Variants in CHD9 observed in about 807,000 individuals in gnomAD.
The protein encoded by CHD9 is ATP-dependent chromatin remodeler CHD9.
A neutral mutation model predicts 316.1 loss-of-function variants in CHD9; 77 were observed. That is an observed-to-expected ratio of 0.24 (90% CI 0.20 to 0.29). CHD9 has a LOEUF of 0.29. Among genes scored for constraint, CHD9 ranks in the 10% least tolerant of loss-of-function variants. The pLI is 1.00. For synonymous variants in CHD9, 1,129 were observed against 1,158.3 expected, an observed-to-expected ratio of 0.97 and a Z score of 0.51; for missense variants, 2,763 against 3,438.1, an observed-to-expected ratio of 0.80 and a Z score of 4.91.
chr16:53,133,813 C>G (rs1302802532), intron 1 of CHD9, among the ~76,000 whole-genome samples: 1 of 152,100 alleles, frequency 6.6e-6, no homozygotes, highest in African/African-American at 2.4e-5. Context: ...CTAATGCAAC[C>G]GAATGCTTTC....
chr16:53,283,683 G>A (rs938194243), intron 24 of CHD9, among the ~76,000 whole-genome samples: 2 of 152,068 alleles, frequency 1.3e-5, no homozygotes, highest in Middle Eastern at 3.4e-3. Flanking sequence ...TCTTTTTACT[G>A]TATTTCTCAT....
chr16:53,321,627 A>G lies in CHD9; in HGVS notation c.7815A>G (p.Gln2605=). Residue 2605 remains glutamine, a synonymous_variant, in exon 38 of 39, where the codon CAA becomes CAG. Transcript: ENST00000447540. ...CTGAATGGGGAGATGTTGTTAAGCA[A>G]TCTGTGAGTATTTTACGAATACTAA... ...VAPEWGDVVK[Q]SGFLPESMYE... 8 of 1,493,898 alleles carry G rather than the reference A, an allele frequency of 5.4e-6. No homozygotes were observed. The highest frequency in any genetic ancestry group is 7.2e-6 in the Non-Finnish European group (8 of 1,103,946). The allele number at this position is 1,493,898 out of a possible 1,614,324, so 92.5% of individuals were successfully genotyped here.
intron 1 of CHD9, among the ~76,000 whole-genome samples, chr16:53,061,648 C>T (rs2032919336): frequency 6.6e-6 from 1 of 152,160 alleles, no homozygotes; most frequent in South Asian, 2.1e-4. Context: ...TCAGAAGTGT[C>T]CCACGAAAAG....
intron 7 of CHD9, 165 bp downstream of exon 7, chr16:53,227,768 C>T (rs2047776579): frequency 5.0e-6 from 1 of 201,862 alleles, no homozygotes; most frequent in African/African-American, 2.3e-5. Context: ...GAAAAGGGCC[C>T]ATTTGAAAAC....
intron 8 of CHD9, among the ~76,000 whole-genome samples, chr16:53,229,462 T>C (rs577781964): frequency 1.3e-5 from 2 of 152,320 alleles, no homozygotes; most frequent in South Asian, 4.2e-4. Flanking sequence ...ACATGAAATA[T>C]ATTGCATATT....
At chr16:53,212,341 G>T (rs2046397769) in intron 3 of CHD9, among the ~76,000 whole-genome samples, 4 of 151,614 alleles carry the variant, frequency 2.6e-5, no homozygotes, top group Admixed American at 1.3e-4. Context: ...GGAGGCAGAG[G>T]TTGCAGTGAG....
At position 53,304,333 on chromosome 16, in the gene CHD9, A is replaced by G. The variant is rs2153081297; in HGVS notation, c.6327A>G (p.Thr2109=). The change falls in exon 31 of 39, where the codon ACA becomes ACG. Residue 2109 remains threonine (T), a synonymous_variant. Coordinates refer to ENST00000447540, the MANE Select transcript of CHD9 (RefSeq NM_001308319.2). ...ACAGACGCATGGTTGCAGCCAGAAC[A>G]GAACCCCTAACTCCAAACCCAGCTT... ...ETDRRMVAAR[T]EPLTPNPASK... is the part of the protein sequence containing the mutation. 1 of 1,612,934 alleles carries G rather than the reference A, an allele frequency of 6.2e-7. No homozygotes were observed. The highest frequency in any genetic ancestry group is 8.5e-7 in the Non-Finnish European group (1 of 1,179,850).
chr16:53,099,927 G>C (rs1409365541), intron 1 of CHD9, among the ~76,000 whole-genome samples: 2 of 152,242 alleles, frequency 1.3e-5, no homozygotes, highest in Non-Finnish European at 2.9e-5. Flanking sequence ...GCTGGTGGCT[G>C]TGTGCAGGGC....
In CHD9 at chr16:53,222,530, T is replaced by C. The variant is rs1454395012; in HGVS notation, c.1785-114T>C. 3 of 605,258 alleles carry C rather than the reference T, an allele frequency of 5.0e-6. No homozygotes were observed. The African/African-American group carries it at 5.6e-5, about 11-fold the overall frequency. The allele number at this position is 605,258 out of a possible 1,614,324, so 37.5% of individuals were successfully genotyped here. A position where few individuals can be genotyped will look rare whatever the true frequency, so the allele number is the denominator to read the frequency against. Reference sequence around the variant, plus strand: ...ATTTCAGGATGATTATCATCCTTGGTTGGACATGCAAGTGATATAAAGTGG... The same window carrying C: ...ATTTCAGGATGATTATCATCCTTGGCTGGACATGCAAGTGATATAAAGTGG... On this transcript the variant is annotated intron_variant, in intron 3 of 38. Coordinates refer to ENST00000447540, the MANE Select transcript of CHD9 (RefSeq NM_001308319.2).
chr16:53,296,923 T>C lies in CHD9; in HGVS notation c.5511-33T>C, dbSNP rs1401295191. 3 of 1,393,402 alleles carry C rather than the reference T, an allele frequency of 2.2e-6. No individual in the cohort carries two copies. In the South Asian group the frequency reaches 3.6e-5, roughly 17 times the overall value. The allele number at this position is 1,393,402 out of a possible 1,614,324, so 86.3% of individuals were successfully genotyped here. ...TATTAATATTAATTTTAGTGACTAG[T>C]GTGGTTTTTTTCTTTAATCTGACTC... On this transcript the variant is annotated intron_variant, in intron 29 of 38. Coordinates refer to ENST00000447540, the MANE Select transcript of CHD9 (RefSeq NM_001308319.2).
rs913743499 is a variant in CHD9 at position 53,279,853 on chromosome 16, G to A, written c.4967+5551G>A. 6.6e-5 allele frequency among the ~76,000 whole-genome samples: 10 copies of A among 152,024 alleles called. 1 individual carries two copies. Among genetic ancestry groups the A allele is most frequent in the Admixed American group, 6.6e-4 (10 of 15,262 alleles). On this transcript the variant is annotated intron_variant, in intron 24 of 38. Transcript: ENST00000447540. ...AAAAAAAGAAAAGTTCCATCAAAAA[G>A]TGGGCTAAGGACACAAATAGACAAT...
intron 2 of CHD9, chr16:53,169,596 C>A (rs1379928774): frequency 6.6e-6 from 1 of 152,092 alleles, no homozygotes; most frequent in Non-Finnish European, 1.5e-5. Context: ...TATTTTGCCA[C>A]ATTTGCTTTC....
In CHD9 at chr16:53,286,335, T is replaced by C; in HGVS notation, c.5181T>C (p.Tyr1727=). The change falls in exon 26 of 39, where the codon TAT becomes TAC. Residue 1727 remains tyrosine (Y), a synonymous_variant. Transcript: ENST00000447540. ...AVAAEQRAND[Y]MDGDVEDPEY... The stretch of plus-strand genomic sequence containing the variant: ...CTGCTGAACAGAGAGCGAATGATTA[T>C]ATGGATGGGTATGTGTGTTTCAGAG... The C allele has an allele frequency of 6.4e-7, 1 of 1,554,388 alleles. No homozygotes were observed. Among genetic ancestry groups the C allele is most frequent in the Non-Finnish European group, 8.9e-7 (1 of 1,125,850 alleles).
At chr16:53,101,099 G>C (rs1403592799) in intron 1 of CHD9, among the ~76,000 whole-genome samples, 2 of 152,010 alleles carry the variant, frequency 1.3e-5, no homozygotes, top group African/African-American at 4.8e-5. Context: ...GGCTACATTA[G>C]GATTTACTGC....
chr16:53,145,334 A>G (rs2040481224), intron 1 of CHD9, among the ~76,000 whole-genome samples: 1 of 151,716 alleles, frequency 6.6e-6, no homozygotes. Flanking sequence ...TGTTTTTAGT[A>G]GAAATGGGGT....
At chr16:53,280,681 T>TA (rs76357065) in intron 24 of CHD9, among the ~76,000 whole-genome samples, 5,306 of 136,624 alleles carry the variant, frequency 0.039, 114 homozygotes, top group Middle Eastern at 0.079. Flanking sequence ...AAATACAATT[T>TA]AAAAAAAAAA....
intron 29 of CHD9, 89 bp downstream of exon 29, chr16:53,293,141 G>A: frequency 8.8e-7 from 1 of 1,141,168 alleles, no homozygotes. Context: ...CACGCTTTGT[G>A]GAAAACATAC....
At chr16:53,212,235 A>C (rs1263701875) in intron 3 of CHD9, among the ~76,000 whole-genome samples, 1 of 152,026 alleles carries the variant, frequency 6.6e-6, no homozygotes, top group Non-Finnish European at 1.5e-5. Flanking sequence ...CCCCATCTCT[A>C]CTAAAAATAC....
At chr16:53,195,227 C>A (rs887043240) in intron 2 of CHD9, among the ~76,000 whole-genome samples, 52 of 152,172 alleles carry the variant, frequency 3.4e-4, no homozygotes, top group African/African-American at 1.2e-3. Flanking sequence ...TGCTACTAGT[C>A]ACTATGCTTG....
Sources: allele counts gnomAD v4.1 joint callset (sites outside exome capture counted in the v4.1 genomes callset), GRCh38; gene constraint gnomAD v4.1.1; transcripts MANE v1.5; gene names NCBI Gene and HGNC (gene_info 2026-07-23, HGNC 2026-07-21).